The following RAF1 variants were observed in gnomAD, a reference collection of about 807,000 sequenced individuals.
RAF1 encodes Raf-1 proto-oncogene, serine/threonine kinase, also known as RAF proto-oncogene serine/threonine-protein kinase.
Under a neutral mutation model 81.1 loss-of-function variants are expected in RAF1, and 27 were observed. The ratio of observed to expected loss-of-function variants is 0.33; its 90% CI spans 0.25 to 0.46. The LOEUF is 0.46. Ranked by LOEUF, RAF1 falls within the 20% of genes least tolerant of loss-of-function variation. The pLI, the probability that RAF1 is intolerant of heterozygous loss-of-function variation, is 1.00. For synonymous variants in RAF1, 298 were observed against 294.0 expected, an observed-to-expected ratio of 1.01 and a Z score of -0.14; for missense variants, 598 against 826.0, an observed-to-expected ratio of 0.72 and a Z score of 3.38.
chr3:12,585,321 G>A lies in RAF1; in HGVS notation c.1597-68C>T, dbSNP rs2058297020. The A allele has an allele frequency of 1.0e-5, 16 of 1,604,892 alleles. 1 individual carries two copies. The South Asian group carries it at 1.7e-4, about 17-fold the overall frequency. Reference sequence around the variant, plus strand: ...TGACAGGCCTCACAGACATCTAGGGGCCAGGCTGTCCCTTTCATTAGTTAT... The same window carrying A: ...TGACAGGCCTCACAGACATCTAGGGACCAGGCTGTCCCTTTCATTAGTTAT... On this transcript the variant is annotated intron_variant, in intron 15 of 17. Coordinates refer to ENST00000442415, the MANE Select transcript of RAF1 (RefSeq NM_001354689.3).
At chr3:12,605,298 T>G (rs902102813) in intron 6 of RAF1, among the ~76,000 whole-genome samples, 1 of 115,838 alleles carries the variant, frequency 8.6e-6, no homozygotes, top group Non-Finnish European at 2.0e-5. Flanking sequence ...ATAATATATT[T>G]TTTTTTGGAG....
rs543061883 is a variant in RAF1 at position 12,640,746 on chromosome 3, C to T, written c.-26-21999G>A. Among the ~76,000 whole-genome samples, 4 of 149,866 alleles carry T rather than the reference C, an allele frequency of 2.7e-5. No individual in the cohort carries two copies. The South Asian group carries it at 8.5e-4, about 32-fold the overall frequency. ...CTGGAGAGGATGTGGAGAAATAGAA[C>T]ACTTTTACACTGTTGGTGGGACTGT... On this transcript the variant is annotated intron_variant, in intron 1 of 17. Transcript: ENST00000442415.
intron 8 of RAF1, among the ~76,000 whole-genome samples, chr3:12,601,680 A>G (rs1192098885): frequency 6.6e-6 from 1 of 152,076 alleles, no homozygotes; most frequent in East Asian, 1.9e-4. Flanking sequence ...ATCTAATTAT[A>G]TAATTAGATA....
intron 13 of RAF1, chr3:12,588,516 G>A (rs993978771): frequency 1.3e-5 from 2 of 152,194 alleles, no homozygotes; most frequent in African/African-American, 2.4e-5. Context: ...ACTGAATACT[G>A]TAGCTGGTTG....
intron 14 of RAF1, 150 bp from the exon 14 acceptor site, chr3:12,585,949 T>C: frequency 1.5e-6 from 1 of 682,934 alleles, no homozygotes; most frequent in Non-Finnish European, 2.6e-6. Flanking sequence ...TGAAGTTCTT[T>C]AAAGTGCTTT....
rs146867343 is a variant in RAF1, at chr3:12,608,221, C to A, written c.581+545G>T. Among the ~76,000 whole-genome samples, 308 of 152,190 alleles carry A rather than the reference C, an allele frequency of 2.0e-3. 1 individual carries two copies. Among genetic ancestry groups the A allele is most frequent in the African/African-American group, 7.2e-3 (297 of 41,536 alleles). Reference sequence around the variant, plus strand: ...GTACTTTTAATGTAAACTTTAAATTCTTTAATAACATTTTATCTATATGAA... The same window carrying A: ...GTACTTTTAATGTAAACTTTAAATTATTTAATAACATTTTATCTATATGAA... On this transcript the variant is annotated intron_variant, in intron 5 of 17. Transcript: ENST00000442415.
At chr3:12,642,316 A>C (rs981030957) in intron 1 of RAF1, among the ~76,000 whole-genome samples, 2 of 147,724 alleles carry the variant, frequency 1.4e-5, no homozygotes, top group African/African-American at 4.9e-5. Context: ...ACCCCAAAAA[A>C]CAAAAAAACA....
chr3:12,658,935 G>A (rs753217085), intron 1 of RAF1, among the ~76,000 whole-genome samples: 2 of 152,174 alleles, frequency 1.3e-5, no homozygotes, highest in Non-Finnish European at 2.9e-5. Context: ...TAGTTAAGCT[G>A]AGATTCTAGG....
At chr3:12,620,571 A>G (rs1273113931) in intron 1 of RAF1, among the ~76,000 whole-genome samples, 3 of 151,996 alleles carry the variant, frequency 2.0e-5, no homozygotes, top group Non-Finnish European at 4.4e-5. Flanking sequence ...TCCAGGCTCA[A>G]ATGATTCTCC....
chr3:12,596,837 G>A (rs1458037213), intron 11 of RAF1, among the ~76,000 whole-genome samples: 1 of 151,950 alleles, frequency 6.6e-6, no homozygotes, highest in Non-Finnish European at 1.5e-5. Flanking sequence ...TGAAAGCATG[G>A]CATAAAAGTC....
intron 1 of RAF1, among the ~76,000 whole-genome samples, chr3:12,626,482 T>C (rs2059706030): frequency 6.6e-6 from 1 of 151,366 alleles, no homozygotes; most frequent in South Asian, 2.1e-4. Context: ...ACCCAGCTAC[T>C]TGGGAGACTG....
At chr3:12,589,184 G>A (rs2058424530) in intron 13 of RAF1, 1 of 152,270 alleles carries the variant, frequency 6.6e-6, no homozygotes, top group Non-Finnish European at 1.5e-5. Flanking sequence ...AACCCAAACA[G>A]ACTAATACAA....
intron 3 of RAF1, 47 bp from the exon 4 acceptor site, chr3:12,609,382 G>C (rs558084815): frequency 7.7e-7 from 1 of 1,296,928 alleles, no homozygotes. Flanking sequence ...CAAGATCAAA[G>C]TTCAATAGAA....
intron 1 of RAF1, among the ~76,000 whole-genome samples, chr3:12,635,785 A>T (rs2060007878): frequency 6.6e-6 from 1 of 151,086 alleles, no homozygotes; most frequent in Non-Finnish European, 1.5e-5. Context: ...CATCCTGGCT[A>T]ACACGGTGAA....
At chr3:12,608,037 A>G (rs1373050165) in intron 5 of RAF1, among the ~76,000 whole-genome samples, 1 of 151,814 alleles carries the variant, frequency 6.6e-6, no homozygotes, top group African/African-American at 2.4e-5. Context: ...TCAAGCTCTC[A>G]TCACAAAATC....
intron 1 of RAF1, among the ~76,000 whole-genome samples, chr3:12,627,945 T>A (rs2059753543): frequency 6.6e-6 from 1 of 152,022 alleles, no homozygotes; most frequent in South Asian, 2.1e-4. Flanking sequence ...CATGGCAAAA[T>A]CCCGTCTCTA....
intron 8 of RAF1, among the ~76,000 whole-genome samples, chr3:12,601,346 G>A (rs2125385533): frequency 6.6e-6 from 1 of 152,278 alleles, no homozygotes; most frequent in African/African-American, 2.4e-5. Context: ...TGCCTTATGG[G>A]TAAATTTGGA....
intron 13 of RAF1, 128 bp downstream of exon 12, chr3:12,590,670 G>C: frequency 8.9e-7 from 1 of 1,128,900 alleles, no homozygotes; most frequent in Non-Finnish European, 1.3e-6. Flanking sequence ...CTCCAGCCCA[G>C]GCCAGAGGCT....
chr3:12,657,892 A>G (rs558496779), intron 1 of RAF1, among the ~76,000 whole-genome samples: 1 of 145,474 alleles, frequency 6.9e-6, no homozygotes, highest in African/African-American at 2.5e-5. Flanking sequence ...CAAAACAAAA[A>G]AAAACCCTAT....
Sources: gnomAD v4.1 joint callset for allele counts (sites outside exome capture counted in the v4.1 genomes callset) on GRCh38, gnomAD v4.1.1 for gene constraint, MANE v1.5 for transcripts, NCBI Gene and HGNC (gene_info 2026-07-23, HGNC 2026-07-21) for gene names.